RAPGEFL1: variants seen among roughly 807,000 people sequenced by gnomAD.
RAPGEFL1 encodes the protein Rap guanine nucleotide exchange factor like 1, also known as rap guanine nucleotide exchange factor-like 1.
Under a neutral mutation model 64.4 loss-of-function variants are expected in RAPGEFL1, and 31 were observed. The observed-to-expected ratio is 0.48, with a 90% CI of 0.36 to 0.65. The LOEUF is 0.65. RAPGEFL1 is among the 30% of genes least tolerant of loss of function. The probability of loss-of-function intolerance (pLI) is 0.00; values close to 1 mark genes in which losing one functional copy is unlikely to be tolerated. For missense variants in RAPGEFL1, 682 were observed against 677.4 expected, an observed-to-expected ratio of 1.01 and a Z score of -0.08; for synonymous variants, 331 against 274.1, an observed-to-expected ratio of 1.21 and a Z score of -2.05.
intron 2 of RAPGEFL1, among the ~76,000 whole-genome samples, chr17:40,182,977 G>A (rs1458012916): frequency 2.6e-5 from 4 of 152,108 alleles, no homozygotes; most frequent in Admixed American, 6.6e-5. Context: ...GTGAAACTCC[G>A]TCTCTACTAA....
rs1246276390 is a variant in RAPGEFL1 at position 40,188,910 on chromosome 17, T to C, written c.878T>C (p.Leu293Pro). The change falls in exon 5 of 15, where the codon CTC (leucine) becomes CCC (proline). Residue 293 changes from leucine (L) to proline (P), a missense_variant. Leu to Pro is a moderately conservative substitution (Grantham distance 98). Transcript: ENST00000620260. ...CCACCCAGCAAGCAGGTGAAGCCAC[T>C]CTTCCGCCACTTCCGCCGGATAGAC... ...NQPPSKQVKP[L>P]FRHFRRIDSC... is the part of the protein sequence containing the mutation. 6.2e-7 allele frequency: 1 copy of C among 1,614,092 alleles called. No homozygotes were observed. Among genetic ancestry groups the C allele is most frequent in the African/African-American group, 1.3e-5 (1 of 74,930 alleles).
chr17:40,185,990 G>A (rs1228809375), intron 4 of RAPGEFL1, among the ~76,000 whole-genome samples: 8 of 150,556 alleles, frequency 5.3e-5, no homozygotes, highest in South Asian at 2.1e-4. Flanking sequence ...GGCCGGGTGC[G>A]GTGGCTCACG....
Position 40,191,613 on chromosome 17 carries a change from T to C in RAPGEFL1, c.1546T>C (p.Tyr516His). ...GCAGAACCAGGACCTGCTGTCTTTC[T>C]ACGCCGTGGTCATGGGGCTGGACAA... is the stretch of plus-strand genomic sequence containing the variant. The part of the protein sequence containing the change: ...CKQNQDLLSF[Y>H]AVVMGLDNAA... The change falls in exon 10 of 15, where the codon TAC becomes CAC. Residue 516 changes from tyrosine (Y) to histidine (H), a missense_variant. Tyr to His is a moderately conservative substitution (Grantham distance 83, BLOSUM62 2). Coordinates refer to ENST00000620260, the MANE Select transcript of RAPGEFL1 (RefSeq NM_016339.6). This position sits in a 1 kb window ranked among gnomAD's most constrained non-coding sequence, Gnocchi z 5.1. 6.2e-7 allele frequency: 1 copy of C among 1,612,664 alleles called. No homozygotes were observed.
chr17:40,177,513 C>A lies in RAPGEFL1; in HGVS notation c.-349C>A, dbSNP rs1989746559. The A allele has an allele frequency of 3.3e-6, 2 of 597,342 alleles. No individual in the cohort carries two copies. The highest frequency in any genetic ancestry group is 2.9e-5 in the Admixed American group (1 of 34,846). 37.0% of individuals were successfully genotyped at this position (597,342 alleles called of 1,614,324 possible). On this transcript the variant is annotated 5_prime_UTR_variant, in exon 1 of 15. Coordinates refer to ENST00000620260, the MANE Select transcript of RAPGEFL1 (RefSeq NM_016339.6). The stretch of plus-strand genomic sequence containing the variant: ...CCAGGAGCGCAGCCGCCGCCGCCGC[C>A]GCCGCCGCGTCCTCTCAGCCTTGCG...
intron 1 of RAPGEFL1, among the ~76,000 whole-genome samples, chr17:40,180,985 G>A (rs1989877672): frequency 6.6e-6 from 1 of 152,248 alleles, no homozygotes; most frequent in Admixed American, 6.5e-5. Flanking sequence ...CGGGGGTGTG[G>A]AGGGGAAAGG....
At chr17:40,187,858 C>T (rs2145215127) in intron 4 of RAPGEFL1, among the ~76,000 whole-genome samples, 1 of 151,420 alleles carries the variant, frequency 6.6e-6, no homozygotes, top group Admixed American at 6.6e-5. Context: ...CGTGATCCGC[C>T]CGCCTTGGCC....
In RAPGEFL1 at chr17:40,191,446, C is replaced by G. The variant is rs749019805; in HGVS notation, c.1466C>G (p.Pro489Arg). Residue 489 changes from proline to arginine, a missense_variant, in exon 9 of 15, where the codon CCG becomes CGG. By Grantham distance (103) the Pro-to-Arg change is moderately radical. Around this residue, in one of 2 missense-constraint regions of RAPGEFL1, gnomAD observed 411 missense variants for 519.4 expected, o/e 0.79. Coordinates refer to ENST00000620260, the MANE Select transcript of RAPGEFL1 (RefSeq NM_016339.6). The surrounding 1 kb of genome is among the most constrained non-coding windows in gnomAD (Gnocchi z 5.1). ...ACCGAAGTGCTGCTCTGCGAGGCCC[C>G]GGGCAAGCGCGCGCAGCTGCTCAAG... ...VATEVLLCEA[P>R]GKRAQLLKKF... The G allele has an allele frequency of 6.2e-7, 1 of 1,607,108 alleles. No individual in the cohort carries two copies. The highest frequency in any genetic ancestry group is 1.3e-5 in the African/African-American group (1 of 74,642).
Position 40,193,860 on chromosome 17 carries a change from A to G in RAPGEFL1, c.*72A>G. Reference sequence around the variant, plus strand: ...CTCAAGCACTTTGCACGATGTCTCAACCAACATCTGACATCTTTCCCGTGG... The same window carrying G: ...CTCAAGCACTTTGCACGATGTCTCAGCCAACATCTGACATCTTTCCCGTGG... On this transcript the variant is annotated 3_prime_UTR_variant, in exon 15 of 15. Coordinates refer to ENST00000620260, the MANE Select transcript of RAPGEFL1 (RefSeq NM_016339.6). 1 of 1,593,744 alleles carries G rather than the reference A, an allele frequency of 6.3e-7. No individual in the cohort carries two copies. The highest frequency in any genetic ancestry group is 8.6e-7 in the Non-Finnish European group (1 of 1,166,470).
intron 4 of RAPGEFL1, among the ~76,000 whole-genome samples, chr17:40,186,573 T>A (rs1598441905): frequency 9.5e-5 from 2 of 21,042 alleles, no homozygotes; most frequent in Non-Finnish European, 1.6e-4. Flanking sequence ...AGACTCCGTC[T>A]CAAAAAAAAA....
intron 4 of RAPGEFL1, 143 bp from the exon 5 acceptor site, chr17:40,188,723 T>C (rs1256990148): frequency 1.7e-5 from 11 of 664,252 alleles, no homozygotes; most frequent in Non-Finnish European, 3.0e-5. Context: ...CATTGTCCTC[T>C]CTTCTGACCC....
chr17:40,185,664 G>C (rs1990043041), intron 4 of RAPGEFL1, among the ~76,000 whole-genome samples: 1 of 151,404 alleles, frequency 6.6e-6, no homozygotes, highest in Non-Finnish European at 1.5e-5. Flanking sequence ...CGCTCCTGTA[G>C]TCCCAGCTAC....
In RAPGEFL1 at chr17:40,194,546, T is replaced by G. The variant is rs1990400277; in HGVS notation, c.*758T>G. 1 of 152,682 alleles carries G rather than the reference T, an allele frequency of 6.5e-6. No homozygotes were observed. The highest frequency in any genetic ancestry group is 1.5e-5 in the Non-Finnish European group (1 of 68,180). The allele number at this position is 152,682 out of a possible 1,614,324, so 9.5% of individuals were successfully genotyped here. A position where few individuals can be genotyped will look rare whatever the true frequency, so the allele number is the denominator to read the frequency against. On this transcript the variant is annotated 3_prime_UTR_variant, in exon 15 of 15. Coordinates refer to ENST00000620260, the MANE Select transcript of RAPGEFL1 (RefSeq NM_016339.6). Reference sequence around the variant, plus strand: ...CCATCAGCCCTTGCAAGTCCCCCACTCAGGCCTCTGGAAGGTCCAGGGATG... The same window carrying G: ...CCATCAGCCCTTGCAAGTCCCCCACGCAGGCCTCTGGAAGGTCCAGGGATG...
rs1989742913 is a variant in RAPGEFL1 at position 40,177,473 on chromosome 17, T to C, written c.-389T>C. The stretch of plus-strand genomic sequence containing the variant: ...GGGCGCGGTCTCGGTTCTGCCACCT[T>C]CCCCCTCTTCACGGCCAGGAGCGCA... On this transcript the variant is annotated 5_prime_UTR_variant, in exon 1 of 15. Transcript: ENST00000620260. The C allele has an allele frequency of 1.6e-6, 1 of 623,260 alleles. No individual in the cohort carries two copies. Among genetic ancestry groups the C allele is most frequent in the Non-Finnish European group, 2.9e-6 (1 of 346,634 alleles). The allele number at this position is 623,260 out of a possible 1,614,324, so 38.6% of individuals were successfully genotyped here.
intron 3 of RAPGEFL1, 70 bp from the exon 4 acceptor site, chr17:40,184,511 C>A: frequency 8.5e-7 from 1 of 1,181,618 alleles, no homozygotes; most frequent in Non-Finnish European, 1.2e-6. Context: ...GAGACCTTGC[C>A]CGGCCCCTGC....
At chr17:40,185,540 A>AAAAAAT (rs368909635) in intron 4 of RAPGEFL1, among the ~76,000 whole-genome samples, 3 of 147,428 alleles carry the variant, frequency 2.0e-5, no homozygotes, top group African/African-American at 7.8e-5. Flanking sequence ...AAAAAAAAAA[A>AAAAAAT]GGCTGTGTGC....
At chr17:40,184,404 C>CTCCTTCACAGGGG in intron 3 of RAPGEFL1, 55 bp downstream of exon 3, 1 of 1,494,294 alleles carries the variant, frequency 6.7e-7, no homozygotes, top group Non-Finnish European at 9.1e-7. Context: ...TGGAAGGGGG[C>CTCCTTCACAGGGG]CCCTGTGAAG....
rs1990283157 is a variant in RAPGEFL1, at chr17:40,191,782, A to G, written c.1605+110A>G. 1.8e-6 allele frequency: 2 copies of G among 1,108,808 alleles called. No homozygotes were observed. Among genetic ancestry groups the G allele is most frequent in the South Asian group, 2.7e-5 (2 of 73,152 alleles). The allele number at this position is 1,108,808 out of a possible 1,614,324, so 68.7% of individuals were successfully genotyped here. On this transcript the variant is annotated intron_variant, in intron 10 of 14. Transcript: ENST00000620260. The surrounding 1 kb of genome is among the most constrained non-coding windows in gnomAD (Gnocchi z 5.1). Reference sequence around the variant, plus strand: ...TGGAGGGAGTCTTTGCGCCAGTTGGAGGGAGGCGCCCTCTTCTGGCATACG... The same window carrying G: ...TGGAGGGAGTCTTTGCGCCAGTTGGGGGGAGGCGCCCTCTTCTGGCATACG...
intron 10 of RAPGEFL1, 78 bp from the exon 11 acceptor site, chr17:40,192,135 G>A (rs1433549934): frequency 2.2e-6 from 3 of 1,391,966 alleles, no homozygotes; most frequent in Non-Finnish European, 3.1e-6. Context: ...CCTCCAACAG[G>A]GAGAATTAAT....
At chr17:40,187,912 C>CTTTT (rs1004508368) in intron 4 of RAPGEFL1, among the ~76,000 whole-genome samples, 6 of 125,170 alleles carry the variant, frequency 4.8e-5, no homozygotes, top group Admixed American at 8.3e-5. Flanking sequence ...CGCGCCTGGC[C>CTTTT]TTTTTTTTTT....
Sources: gnomAD v4.1 joint callset for allele counts (sites outside exome capture counted in the v4.1 genomes callset) on GRCh38, gnomAD v4.1.1 for gene constraint, gnomAD v4.1.1 regional missense constraint, Gnocchi (gnomAD v3.1) non-coding constraint, MANE v1.5 for transcripts, NCBI Gene and HGNC (gene_info 2026-07-23, HGNC 2026-07-21) for gene names.